ARHGAP24: variants seen among roughly 807,000 people sequenced by gnomAD.
ARHGAP24 encodes rho GTPase-activating protein 24.
A neutral mutation model predicts 76.4 loss-of-function variants in ARHGAP24; 50 were observed. That is an observed-to-expected ratio of 0.65 (90% CI 0.52 to 0.83). The LOEUF is 0.83. ARHGAP24 is among the 40% of genes least tolerant of loss of function. The pLI, the probability that ARHGAP24 is intolerant of heterozygous loss-of-function variation, is 0.00. For synonymous variants in ARHGAP24, 345 were observed against 323.3 expected (o/e 1.07, Z -0.72); for missense variants, 930 against 914.2 (o/e 1.02, Z -0.22).
intron 3 of ARHGAP24, among the ~76,000 whole-genome samples, chr4:85,880,003 G>A (rs879360719): frequency 1.1e-4 from 16 of 152,120 alleles, no homozygotes; most frequent in Non-Finnish European, 2.1e-4. Context: ...CTGGCCTGCT[G>A]TGCAGTCTGG....
chr4:86,000,597 AAAG>A lies in ARHGAP24; in HGVS notation c.2127_2129del (p.Glu709del). Reference sequence around the variant, plus strand: ...AAAAATGCGAAATGCCGAGCGAGCAAAAGAAGATGCCGAGAAAAGAAATGACAT... The same window carrying A: ...AAAAATGCGAAATGCCGAGCGAGCAAAAGATGCCGAGAAAAGAAATGACAT... On this transcript the variant is annotated inframe_deletion, in exon 10 of 10. Transcript: ENST00000395184. 6.2e-7 allele frequency: 1 copy of A among 1,614,012 alleles called. No homozygotes were observed. The highest frequency in any genetic ancestry group is 8.5e-7 in the Non-Finnish European group (1 of 1,179,962).
intron 1 of ARHGAP24, among the ~76,000 whole-genome samples, chr4:85,502,813 T>C (rs1723875452): frequency 6.6e-6 from 1 of 152,228 alleles, no homozygotes; most frequent in African/African-American, 2.4e-5. Flanking sequence ...TCAAAGGGAA[T>C]GCTTCAAATT....
intron 5 of ARHGAP24, among the ~76,000 whole-genome samples, chr4:85,944,761 A>G (rs2148826815): frequency 6.6e-6 from 1 of 152,364 alleles, no homozygotes; most frequent in South Asian, 2.1e-4. Flanking sequence ...AAATCATGAA[A>G]TCAGAATGCA....
At chr4:85,671,472 G>T (rs1722813870) in intron 2 of ARHGAP24, among the ~76,000 whole-genome samples, 1 of 152,032 alleles carries the variant, frequency 6.6e-6, no homozygotes, top group South Asian at 2.1e-4. Context: ...ATAAATATTT[G>T]TCAAATGAAA....
chr4:85,649,651 TC>T (rs1721860958), intron 2 of ARHGAP24, among the ~76,000 whole-genome samples: 16 of 152,302 alleles, frequency 1.1e-4, no homozygotes, highest in Admixed American at 9.2e-4. Context: ...AGATTTATTC[TC>T]AAAATTTGTT....
chr4:85,619,384 G>T (rs995265483), intron 2 of ARHGAP24, among the ~76,000 whole-genome samples: 1 of 151,710 alleles, frequency 6.6e-6, no homozygotes, highest in Non-Finnish European at 1.5e-5. Flanking sequence ...AGTTTATTTT[G>T]TGATTAGGTA....
chr4:85,984,236 TG>T (rs1413464557), intron 8 of ARHGAP24, among the ~76,000 whole-genome samples: 1 of 152,254 alleles, frequency 6.6e-6, no homozygotes, highest in Admixed American at 6.5e-5. Context: ...AAATATAGAT[TG>T]GTAAGTGGGT....
intron 1 of ARHGAP24, among the ~76,000 whole-genome samples, chr4:85,564,414 G>C (rs551035275): frequency 1.3e-5 from 2 of 148,704 alleles, no homozygotes; most frequent in African/African-American, 2.5e-5. Flanking sequence ...GAGCGGGGGG[G>C]ATAGCATTAG....
chr4:85,496,530 G>A (rs892697849), intron 1 of ARHGAP24, among the ~76,000 whole-genome samples: 4 of 152,212 alleles, frequency 2.6e-5, no homozygotes, highest in African/African-American at 9.7e-5. Flanking sequence ...CGTTTTGCAT[G>A]ATGTGTAGAT....
chr4:85,805,531 A>C, intron 3 of ARHGAP24, among the ~76,000 whole-genome samples: 1 of 152,156 alleles, frequency 6.6e-6, no homozygotes, highest in East Asian at 1.9e-4. Context: ...AAAGATGTAA[A>C]ATTTTCTCCT....
intron 3 of ARHGAP24, among the ~76,000 whole-genome samples, chr4:85,799,134 G>C (rs1333312330): frequency 6.6e-6 from 1 of 152,104 alleles, no homozygotes; most frequent in Non-Finnish European, 1.5e-5. Flanking sequence ...TATACACTGA[G>C]AGAGGCTGCA....
At chr4:85,720,258 TATAATA>T (rs36119786) in intron 2 of ARHGAP24, among the ~76,000 whole-genome samples, 6 of 151,014 alleles carry the variant, frequency 4.0e-5, no homozygotes, top group Non-Finnish European at 4.4e-5. Flanking sequence ...GAACTTAAAG[TATAATA>T]ATAATAATAA....
At chr4:85,977,006 T>A (rs1213691142) in intron 7 of ARHGAP24, among the ~76,000 whole-genome samples, 1 of 152,144 alleles carries the variant, frequency 6.6e-6, no homozygotes, top group African/African-American at 2.4e-5. Flanking sequence ...CAGGCTGGTC[T>A]CAAACTCCTG....
intron 1 of ARHGAP24, among the ~76,000 whole-genome samples, chr4:85,477,140 G>A (rs145689857): frequency 2.7e-3 from 413 of 152,284 alleles, no homozygotes; most frequent in African/African-American, 9.4e-3. Flanking sequence ...TTCAGATCTG[G>A]AATTTAGTTT....
chr4:85,674,535 T>C (rs986506861), intron 2 of ARHGAP24, among the ~76,000 whole-genome samples: 5 of 152,242 alleles, frequency 3.3e-5, no homozygotes, highest in African/African-American at 1.2e-4. Context: ...ATAACTTATC[T>C]AAGTCAATTT....
chr4:85,755,626 G>GTGT (rs1553927669), intron 3 of ARHGAP24, among the ~76,000 whole-genome samples: 1 of 117,372 alleles, frequency 8.5e-6, no homozygotes, highest in Non-Finnish European at 1.8e-5. Flanking sequence ...CTATTCTTTT[G>GTGT]TTTTGTTTTG....
intron 3 of ARHGAP24, among the ~76,000 whole-genome samples, chr4:85,808,432 T>C (rs1401205063): frequency 1.3e-5 from 2 of 152,234 alleles, no homozygotes; most frequent in Non-Finnish European, 2.9e-5. Flanking sequence ...CTTATTCTTT[T>C]CAATATTCCT....
intron 3 of ARHGAP24, among the ~76,000 whole-genome samples, chr4:85,860,023 G>T (rs1267601377): frequency 6.6e-6 from 1 of 152,052 alleles, no homozygotes; most frequent in Non-Finnish European, 1.5e-5. Flanking sequence ...TTTAATGCTG[G>T]TATCATACTG....
Position 85,487,259 on chromosome 4 carries a change from A to ATATATAAATATATATTTATTT in ARHGAP24, c.-21+11707_-21+11727dup, listed in dbSNP as rs1445003243. Among the ~76,000 whole-genome samples the ATATATAAATATATATTTATTT allele has an allele frequency of 4.0e-5, 5 of 125,660 alleles. No homozygotes were observed. In the East Asian group the frequency reaches 1.1e-3, roughly 27 times the overall value. 82.4% of individuals were successfully genotyped at this position (125,660 alleles called of 152,430 possible). On this transcript the variant is annotated intron_variant, in intron 1 of 9. Coordinates refer to ENST00000395184, the MANE Select transcript of ARHGAP24 (RefSeq NM_001025616.3). ...TATATATAGTAAATATATATTTATT[A>ATATATAAATATATATTTATTT]TATATAAATATATATTTATTTTATA...
Sources: gnomAD v4.1 joint callset for allele counts (sites outside exome capture counted in the v4.1 genomes callset) on GRCh38, gnomAD v4.1.1 for gene constraint, MANE v1.5 for transcripts, NCBI Gene and HGNC (gene_info 2026-07-23, HGNC 2026-07-21) for gene names.